The following MYO5B variants were observed in gnomAD, a reference collection of about 807,000 sequenced individuals.
MYO5B encodes the protein unconventional myosin-Vb.
In MYO5B, 143 loss-of-function variants were observed where a neutral mutation model predicts 229.3. The ratio of observed to expected loss-of-function variants is 0.62; its 90% CI spans 0.54 to 0.72. The LOEUF is 0.72. Ranked by LOEUF, MYO5B falls within the 30% of genes least tolerant of loss-of-function variation. The pLI, the probability that MYO5B is intolerant of heterozygous loss-of-function variation, is 0.00. For synonymous variants in MYO5B, 918 were observed against 885.2 expected (o/e 1.04, Z -0.66); for missense variants, 2,321 against 2,331.0 (o/e 1.00, Z 0.09).
At chr18:50,035,029 C>T (rs986769788) in intron 4 of MYO5B, among the ~76,000 whole-genome samples, 32 of 152,192 alleles carry the variant, frequency 2.1e-4, no homozygotes, top group African/African-American at 7.2e-4. Flanking sequence ...GACTCCCACA[C>T]GTCCTCTTCC....
At chr18:49,932,973 A>G (rs549367886) in intron 16 of MYO5B, among the ~76,000 whole-genome samples, 1 of 152,298 alleles carries the variant, frequency 6.6e-6, no homozygotes, top group Admixed American at 6.5e-5. Flanking sequence ...CCAAAGACAT[A>G]GAAGGTCACA....
chr18:50,057,733 A>G (rs2030586476), intron 1 of MYO5B, among the ~76,000 whole-genome samples: 1 of 152,174 alleles, frequency 6.6e-6, no homozygotes, highest in African/African-American at 2.4e-5. Flanking sequence ...AAAACCTATC[A>G]CAACATAAGG....
intron 1 of MYO5B, among the ~76,000 whole-genome samples, chr18:50,102,366 A>T (rs2144504128): frequency 6.6e-6 from 1 of 152,262 alleles, no homozygotes; most frequent in African/African-American, 2.4e-5. Flanking sequence ...AAAGAAAAAA[A>T]AAAGCCTCCA....
chr18:50,034,784 A>G (rs891000928), intron 4 of MYO5B, among the ~76,000 whole-genome samples: 1 of 152,066 alleles, frequency 6.6e-6, no homozygotes, highest in Non-Finnish European at 1.5e-5. Context: ...AAAAAAACAA[A>G]AAAGCTCTCC....
chr18:49,841,113 G>A (rs2024051412), intron 35 of MYO5B, among the ~76,000 whole-genome samples: 1 of 152,194 alleles, frequency 6.6e-6, no homozygotes, highest in Non-Finnish European at 1.5e-5. Flanking sequence ...CATGGGTTAT[G>A]CAGACTCTAC....
chr18:49,912,061 C>T lies in MYO5B; in HGVS notation c.2202+1G>A, dbSNP rs556515534. On this transcript the variant is annotated splice_donor_variant, in intron 18 of 39. Coordinates refer to ENST00000285039, the MANE Select transcript of MYO5B (RefSeq NM_001080467.3). LOFTEE classifies it high-confidence loss of function. The stretch of plus-strand genomic sequence containing the variant: ...TCCTGGAGCTGGGCTGTGTGGCTCA[C>T]CTTGATGAGGTTCTCCAGGACAGAC... The T allele has an allele frequency of 6.2e-6, 10 of 1,613,550 alleles. No homozygotes were observed. Among genetic ancestry groups the T allele is most frequent in the Middle Eastern group, 3.3e-4 (2 of 6,082 alleles).
chr18:50,069,542 T>C (rs537783357), intron 1 of MYO5B, among the ~76,000 whole-genome samples: 2 of 152,308 alleles, frequency 1.3e-5, no homozygotes, highest in African/African-American at 4.8e-5. Flanking sequence ...CTCACACTCA[T>C]GTCTGAGCAT....
chr18:49,929,746 G>T, intron 16 of MYO5B, 148 bp from the exon 17 acceptor site: 1 of 743,792 alleles, frequency 1.3e-6, no homozygotes, highest in Non-Finnish European at 2.3e-6. Context: ...TTGAGCTCAA[G>T]TCAGGGATTA....
At chr18:50,165,096 CTGCAGGTTT>C (rs2032824869) in intron 1 of MYO5B, among the ~76,000 whole-genome samples, 4 of 152,216 alleles carry the variant, frequency 2.6e-5, no homozygotes, top group Non-Finnish European at 5.9e-5. Context: ...AAGGGTTGAC[CTGCAGGTTT>C]ACAAGTCTGG....
Position 49,953,267 on chromosome 18 carries a change from GC to G in MYO5B, c.1744del (p.Ala582ProfsTer6), listed in dbSNP as rs1278281157. 1 of 1,613,984 alleles carries G rather than the reference GC, an allele frequency of 6.2e-7. No individual in the cohort carries two copies. Among genetic ancestry groups the G allele is most frequent in the East Asian group, 2.2e-5 (1 of 44,880 alleles). On this transcript the variant is annotated frameshift_variant, in exon 14 of 40. Transcript: ENST00000285039. LOFTEE classifies it high-confidence loss of function. Reference protein sequence around the residue: ...VYEEQINILKASKFPLVADLF... With the variant: ...VYEEQINILKXSKFPLVADLF... ...ACTTCTGACACTCTTTACCTTGCTGGCCTTCAGGATATTGATCTGCTCTTCA... is the reference window on the plus strand; with the variant it reads ...ACTTCTGACACTCTTTACCTTGCTGGCTTCAGGATATTGATCTGCTCTTCA...
chr18:49,861,307 T>G (rs1336871726), intron 29 of MYO5B, among the ~76,000 whole-genome samples: 1 of 152,226 alleles, frequency 6.6e-6, no homozygotes, highest in Non-Finnish European at 1.5e-5. Context: ...TGGGAAAACC[T>G]AAACTGGGGT....
chr18:50,072,761 C>A (rs1330610999), intron 1 of MYO5B, among the ~76,000 whole-genome samples: 1 of 152,088 alleles, frequency 6.6e-6, no homozygotes, highest in Non-Finnish European at 1.5e-5. Flanking sequence ...GAAACCAGTA[C>A]AGGATTGCAT....
chr18:50,161,946 G>A (rs1309827630), intron 1 of MYO5B, among the ~76,000 whole-genome samples: 2 of 152,088 alleles, frequency 1.3e-5, no homozygotes, highest in East Asian at 3.9e-4. Context: ...CTAGCCAAAG[G>A]CAGGGCCACC....
At chr18:50,007,751 C>T (rs2026118449) in intron 4 of MYO5B, among the ~76,000 whole-genome samples, 1 of 152,254 alleles carries the variant, frequency 6.6e-6, no homozygotes. Context: ...CACATCCTGC[C>T]TTATGGCAGC....
chr18:50,000,592 T>C (rs1236217287), intron 5 of MYO5B, among the ~76,000 whole-genome samples: 3 of 152,212 alleles, frequency 2.0e-5, no homozygotes, highest in Non-Finnish European at 4.4e-5. Flanking sequence ...TGCTTAGTTA[T>C]AGCAAGATCT....
chr18:49,975,466 G>A (rs988785078), intron 9 of MYO5B, among the ~76,000 whole-genome samples: 1 of 152,156 alleles, frequency 6.6e-6, no homozygotes. Context: ...ACCCTGCATT[G>A]TCCTATGCTT....
At chr18:49,892,325 T>C (rs1368694046) in intron 22 of MYO5B, among the ~76,000 whole-genome samples, 2 of 152,212 alleles carry the variant, frequency 1.3e-5, no homozygotes, top group Non-Finnish European at 2.9e-5. Flanking sequence ...CTCTGGACTC[T>C]GTGGACAGAG....
intron 8 of MYO5B, among the ~76,000 whole-genome samples, chr18:49,980,885 A>G (rs549710667): frequency 2.0e-4 from 30 of 152,378 alleles, no homozygotes; most frequent in African/African-American, 7.2e-4. Context: ...TCAACCAAAC[A>G]CTTTATGGAT....
At chr18:49,988,046 G>T (rs2025890769) in intron 7 of MYO5B, among the ~76,000 whole-genome samples, 1 of 152,232 alleles carries the variant, frequency 6.6e-6, no homozygotes, top group Non-Finnish European at 1.5e-5. Context: ...TGGGGCAGAA[G>T]AGTGTGGACA....
Sources: allele counts gnomAD v4.1 joint callset (sites outside exome capture counted in the v4.1 genomes callset), GRCh38; gene constraint gnomAD v4.1.1; transcripts MANE v1.5; gene names NCBI Gene and HGNC (gene_info 2026-07-23, HGNC 2026-07-21).